The following ATR variants were observed in gnomAD, a reference collection of about 807,000 sequenced individuals.
ATR encodes ATR checkpoint kinase, also known as serine/threonine-protein kinase ATR.
Under a neutral mutation model 305.3 loss-of-function variants are expected in ATR, and 142 were observed. The observed-to-expected ratio is 0.47, with a 90% CI of 0.41 to 0.53. The LOEUF (loss-of-function observed/expected upper bound fraction) is 0.53, where lower values mean the gene tolerates loss of function less well. ATR is among the 20% of genes least tolerant of loss of function. The probability of loss-of-function intolerance (pLI) is 0.00; values close to 1 mark genes in which losing one functional copy is unlikely to be tolerated. For synonymous variants in ATR, 1,050 were observed against 1,068.1 expected (o/e 0.98, Z 0.33); for missense variants, 2,135 against 3,133.1 (o/e 0.68, Z 7.60).
intron 1 of ATR, among the ~76,000 whole-genome samples, chr3:142,571,632 G>A (rs2035265343): frequency 6.6e-6 from 1 of 152,108 alleles, no homozygotes; most frequent in Non-Finnish European, 1.5e-5. Flanking sequence ...AACTTAGGGT[G>A]TAGTAAGACA....
At position 142,459,503 on chromosome 3, in the gene ATR, G is replaced by T; in HGVS notation, c.7193-120C>A. ...TATTCAAATTGTTATTGAAAAACAAGAATAAAGGAACATTTTTCAATTAAG... is the reference window on the plus strand; with the variant it reads ...TATTCAAATTGTTATTGAAAAACAATAATAAAGGAACATTTTTCAATTAAG... On this transcript the variant is annotated intron_variant, in intron 42 of 46. Coordinates refer to ENST00000350721, the MANE Select transcript of ATR (RefSeq NM_001184.4). 41 of 1,146,082 alleles carry T rather than the reference G, an allele frequency of 3.6e-5. No homozygotes were observed. In the South Asian group the frequency reaches 5.7e-4, roughly 16 times the overall value. 71.0% of individuals were successfully genotyped at this position (1,146,082 alleles called of 1,614,324 possible).
intron 25 of ATR, among the ~76,000 whole-genome samples, chr3:142,514,963 T>G (rs1473070677): frequency 3.3e-5 from 5 of 152,208 alleles, no homozygotes; most frequent in African/African-American, 1.2e-4. Context: ...TGTTTTTCTA[T>G]GAAAATTCAT....
intron 35 of ATR, among the ~76,000 whole-genome samples, chr3:142,491,459 G>A (rs2031273087): frequency 6.6e-6 from 1 of 152,158 alleles, no homozygotes; most frequent in African/African-American, 2.4e-5. Flanking sequence ...CCCAGGCAGA[G>A]ATGGGAGAAC....
chr3:142,490,607 T>G (rs1237445074), intron 35 of ATR, among the ~76,000 whole-genome samples: 1 of 152,200 alleles, frequency 6.6e-6, no homozygotes, highest in Non-Finnish European at 1.5e-5. Flanking sequence ...TTTTCTTCTA[T>G]TTTTTCATCT....
rs765260141 is a variant in ATR at position 142,498,671 on chromosome 3, T to C, written c.5484A>G (p.Ala1828=). ...AFYDSLKLVR[A]EQIVPLSAAS... The stretch of plus-strand genomic sequence containing the variant: ...CAGCTGAAAGAGGTACAATTTGTTC[T>C]GCTCTCACTAGTTTCAGTGAGTCAT... The change falls in exon 32 of 47, where the codon GCA becomes GCG. Residue 1828 remains alanine, a synonymous_variant. Coordinates refer to ENST00000350721, the MANE Select transcript of ATR (RefSeq NM_001184.4). 22 of 1,614,044 alleles carry C rather than the reference T, an allele frequency of 1.4e-5. No homozygotes were observed. In the Admixed American group the frequency reaches 3.5e-4, roughly 26 times the overall value.
intron 37 of ATR, 152 bp from the exon 38 acceptor site, chr3:142,469,721 G>T: frequency 1.5e-6 from 1 of 684,070 alleles, no homozygotes; most frequent in South Asian, 1.9e-5. Flanking sequence ...TTTGTGAAAA[G>T]ATAGTTGTCT....
At chr3:142,567,232 T>C (rs1182125045) in intron 2 of ATR, among the ~76,000 whole-genome samples, 1 of 152,068 alleles carries the variant, frequency 6.6e-6, no homozygotes, top group Non-Finnish European at 1.5e-5. Flanking sequence ...TACAATATGG[T>C]AACAGCACTA....
At chr3:142,497,605 T>A (rs533009937) in intron 32 of ATR, among the ~76,000 whole-genome samples, 1 of 144,946 alleles carries the variant, frequency 6.9e-6, no homozygotes, top group Non-Finnish European at 1.5e-5. Context: ...ATAAATAAAA[T>A]TAATTACATT....
At chr3:142,475,066 C>T (rs923308586) in intron 36 of ATR, among the ~76,000 whole-genome samples, 1 of 151,892 alleles carries the variant, frequency 6.6e-6, no homozygotes, top group African/African-American at 2.4e-5. Flanking sequence ...TATTATTATG[C>T]TTTACAACTT....
intron 38 of ATR, 44 bp from the exon 39 acceptor site, chr3:142,468,112 A>G: frequency 6.3e-7 from 1 of 1,598,658 alleles, no homozygotes; most frequent in Non-Finnish European, 8.5e-7. Flanking sequence ...GAGTTTATAC[A>G]GGATTTTTAA....
chr3:142,513,137 G>A (rs1050589490), intron 26 of ATR, among the ~76,000 whole-genome samples: 1 of 152,018 alleles, frequency 6.6e-6, no homozygotes, highest in African/African-American at 2.4e-5. Context: ...TAGCAAATAA[G>A]TTCATGACAT....
chr3:142,558,652 T>C lies in ATR; in HGVS notation c.1857A>G (p.Thr619=). The C allele has an allele frequency of 6.2e-6, 10 of 1,613,368 alleles. No homozygotes were observed. The highest frequency in any genetic ancestry group is 1.7e-5 in the Admixed American group (1 of 59,998). The stretch of plus-strand genomic sequence containing the variant: ...AGCTATCTGAAATCCTACAGCTTAA[T>C]GTTAGAAGATTAGCGGCAAATGTGG... ...KLTTFAANLL[T]LSCRISDSYS... Residue 619 remains threonine, a synonymous_variant, in exon 8 of 47, where the codon ACA becomes ACG. Coordinates refer to ENST00000350721, the MANE Select transcript of ATR (RefSeq NM_001184.4).
rs992892174 is a variant in ATR at position 142,469,566 on chromosome 3, C to G, written c.6323G>C (p.Gly2108Ala). The G allele has an allele frequency of 1.2e-6, 2 of 1,608,820 alleles. No individual in the cohort carries two copies. Among genetic ancestry groups the G allele is most frequent in the African/African-American group, 2.7e-5 (2 of 74,712 alleles). Residue 2108 changes from glycine (G) to alanine (A), a missense_variant, in exon 38 of 47, where the codon GGC (glycine) becomes GCC (alanine). Physicochemically the swap from Gly to Ala is moderately conservative, Grantham distance 60 (BLOSUM62 0). Around this residue, in one of 9 missense-constraint regions of ATR, gnomAD observed 462 missense variants for 887.6 expected, o/e 0.52. Transcript: ENST00000350721. ...GTKAYEWEKA[G>A]RSDRVQMRND... Reference sequence around the variant, plus strand: ...CCTCATTTGTACACGATCGGAGCGGCCAGCTGGGGGAAGAAATAAGTTTAA... The same window carrying G: ...CCTCATTTGTACACGATCGGAGCGGGCAGCTGGGGGAAGAAATAAGTTTAA...
At chr3:142,485,621 T>C (rs2030866555) in intron 35 of ATR, among the ~76,000 whole-genome samples, 2 of 146,780 alleles carry the variant, frequency 1.4e-5, no homozygotes, top group Admixed American at 1.3e-4. Context: ...ATATATATGA[T>C]ATGTGTGTGT....
Position 142,553,527 on chromosome 3 carries a change from C to CA in ATR, c.2633+112dup, listed in dbSNP as rs1196973862. 2.8e-6 allele frequency: 4 copies of CA among 1,446,680 alleles called. No individual in the cohort carries two copies. In the Admixed American group the frequency reaches 7.4e-5, roughly 27 times the overall value. The allele number at this position is 1,446,680 out of a possible 1,614,324, so 89.6% of individuals were successfully genotyped here. On this transcript the variant is annotated intron_variant, in intron 12 of 46. Transcript: ENST00000350721. ...ATCTACAAATAAATTCATGTTGACTCACATTTTGTCTATAATATCACAAAT... is the reference window on the plus strand; with the variant it reads ...ATCTACAAATAAATTCATGTTGACTCAACATTTTGTCTATAATATCACAAAT...
chr3:142,513,557 G>C lies in ATR; in HGVS notation c.4585C>G (p.Leu1529Val). ...KHDFKVTIYL[L>V]PHILVYVLLG... ...AAGACATACACCAGAATATGTGGAA[G>C]AAGATAGATGGTCACTTTGAAATCA... The change falls in exon 26 of 47, where the codon CTT becomes GTT. Residue 1529 changes from leucine (L) to valine (V), a missense_variant. Transcript: ENST00000350721. The C allele has an allele frequency of 1.2e-6, 2 of 1,613,044 alleles. No individual in the cohort carries two copies. The highest frequency in any genetic ancestry group is 1.7e-6 in the Non-Finnish European group (2 of 1,179,168).
chr3:142,495,668 C>T (rs1297542546), intron 34 of ATR, among the ~76,000 whole-genome samples: 5 of 152,034 alleles, frequency 3.3e-5, no homozygotes, highest in Admixed American at 2.6e-4. Context: ...CACTTGAACT[C>T]GGGAGGCAGA....
At chr3:142,577,001 C>G (rs964678908) in intron 1 of ATR, among the ~76,000 whole-genome samples, 1 of 152,186 alleles carries the variant, frequency 6.6e-6, no homozygotes, top group African/African-American at 2.4e-5. Flanking sequence ...GCTCTGTTAT[C>G]TGCTAGCTGT....
Position 142,522,839 on chromosome 3 carries a change from A to C in ATR, c.4155T>G (p.Thr1385=), listed in dbSNP as rs1429133641. Residue 1385 remains threonine, a splice_region_variant and synonymous_variant, in exon 23 of 47, where the codon ACT becomes ACG. Coordinates refer to ENST00000350721, the MANE Select transcript of ATR (RefSeq NM_001184.4). Reference sequence around the variant, plus strand: ...AGGCAAAGCTTGAATCTTCTACTCCAGTCTCAATCAGAAAAAAAAAAAAGA... The same window carrying C: ...AGGCAAAGCTTGAATCTTCTACTCCCGTCTCAATCAGAAAAAAAAAAAAGA... ...ETQGKDFTFV[T]GVEDSSFAYG... 1 of 1,599,758 alleles carries C rather than the reference A, an allele frequency of 6.3e-7. No individual in the cohort carries two copies. Among genetic ancestry groups the C allele is most frequent in the Non-Finnish European group, 8.6e-7 (1 of 1,167,518 alleles).
Sources: gnomAD v4.1 joint callset for allele counts (sites outside exome capture counted in the v4.1 genomes callset) on GRCh38, gnomAD v4.1.1 for gene constraint, gnomAD v4.1.1 regional missense constraint, MANE v1.5 for transcripts, NCBI Gene and HGNC (gene_info 2026-07-23, HGNC 2026-07-21) for gene names.